GSAP: variants seen among roughly 807,000 people sequenced by gnomAD.
GSAP encodes gamma-secretase-activating protein.
Under a neutral mutation model 131.7 loss-of-function variants are expected in GSAP, and 118 were observed. That is an observed-to-expected ratio of 0.90 (90% CI 0.77 to 1.04). The LOEUF (loss-of-function observed/expected upper bound fraction) is 1.04, where lower values mean the gene tolerates loss of function less well. Among genes scored for constraint, GSAP ranks in the 50% least tolerant of loss-of-function variants. GSAP has a pLI of 0.00. For missense variants in GSAP, 1,019 were observed against 1,013.2 expected (o/e 1.01, Z -0.08); for synonymous variants, 381 against 363.4 (o/e 1.05, Z -0.55).
At chr7:77,323,431 G>C (rs941105185) in intron 24 of GSAP, among the ~76,000 whole-genome samples, 1 of 152,188 alleles carries the variant, frequency 6.6e-6, no homozygotes, top group Non-Finnish European at 1.5e-5. Flanking sequence ...GTATTTGAAG[G>C]AAGGGCAATA....
At chr7:77,371,431 C>CT (rs71085450) in intron 12 of GSAP, among the ~76,000 whole-genome samples, 4,545 of 142,540 alleles carry the variant, frequency 0.032, 127 homozygotes, top group South Asian at 0.057. Context: ...CATCTTTTTT[C>CT]TTTTTTTTTT....
At chr7:77,362,739 T>G in intron 12 of GSAP, 79 bp from the exon 13 acceptor site, 1 of 787,030 alleles carries the variant, frequency 1.3e-6, no homozygotes, top group Non-Finnish European at 2.2e-6. Flanking sequence ...TTAAACTTAC[T>G]TCTATTCCTT....
intron 19 of GSAP, among the ~76,000 whole-genome samples, chr7:77,346,287 A>AAAAAAAAAG (rs1554395428): frequency 6.7e-6 from 1 of 150,312 alleles, no homozygotes; most frequent in East Asian, 2.0e-4. Flanking sequence ...AAAAAAAAAA[A>AAAAAAAAAG]AAAGAAAGAA....
At chr7:77,335,145 A>G (rs922782406) in intron 19 of GSAP, among the ~76,000 whole-genome samples, 1 of 152,196 alleles carries the variant, frequency 6.6e-6, no homozygotes, top group South Asian at 2.1e-4. Context: ...CACACCTGCA[A>G]TCCCAGCACT....
chr7:77,325,404 C>G lies in GSAP; in HGVS notation c.1827+808G>C, dbSNP rs116384066. Among the ~76,000 whole-genome samples, 1,479 of 152,234 alleles carry G rather than the reference C, an allele frequency of 9.7e-3. 31 individuals carry two copies. Among genetic ancestry groups the G allele is most frequent in the African/African-American group, 0.034 (1,426 of 41,522 alleles). ...AAGTCCACATGGTATTAAAAAATATCTTATTAGGCTTTCCAGATGTCTCTT... is the reference window on the plus strand; with the variant it reads ...AAGTCCACATGGTATTAAAAAATATGTTATTAGGCTTTCCAGATGTCTCTT... On this transcript the variant is annotated intron_variant, in intron 23 of 30. Coordinates refer to ENST00000257626, the MANE Select transcript of GSAP (RefSeq NM_017439.4).
intron 19 of GSAP, 133 bp from the exon 20 acceptor site, chr7:77,330,500 A>T: frequency 7.6e-7 from 1 of 1,323,174 alleles, no homozygotes; most frequent in Non-Finnish European, 9.7e-7. Context: ...TGTACAGAAG[A>T]TGGCATTCTA....
intron 3 of GSAP, among the ~76,000 whole-genome samples, chr7:77,400,060 C>T (rs1269280736): frequency 1.3e-5 from 2 of 152,150 alleles, no homozygotes; most frequent in African/African-American, 4.8e-5. Flanking sequence ...TAAGTCCAGC[C>T]AAACACCACA....
chr7:77,384,422 C>T (rs147304846), intron 6 of GSAP, among the ~76,000 whole-genome samples: 4 of 152,314 alleles, frequency 2.6e-5, no homozygotes, highest in African/African-American at 9.6e-5. Context: ...CAAAAGTAGA[C>T]AGGATTCAGA....
At chr7:77,347,764 G>T (rs1792127285) in intron 19 of GSAP, among the ~76,000 whole-genome samples, 2 of 152,056 alleles carry the variant, frequency 1.3e-5, no homozygotes, top group Admixed American at 1.3e-4. Context: ...AAGGCCAAGA[G>T]GAAATGGGGG....
At chr7:77,326,108 A>C in intron 23 of GSAP, 104 bp downstream of exon 23, 2 of 786,552 alleles carry the variant, frequency 2.5e-6, no homozygotes, top group Non-Finnish European at 4.2e-6. Flanking sequence ...ATACTTGTGC[A>C]AAGAATAAAG....
chr7:77,351,446 G>A, intron 18 of GSAP: 2 of 974,920 alleles, frequency 2.1e-6, no homozygotes, highest in Non-Finnish European at 1.2e-6. Context: ...AACATTTGCA[G>A]ATAAGAGAAA....
Position 77,311,239 on chromosome 7 carries a change from A to G in GSAP, c.*119T>C, listed in dbSNP as rs1794309640. On this transcript the variant is annotated 3_prime_UTR_variant, in exon 31 of 31. Coordinates refer to ENST00000257626, the MANE Select transcript of GSAP (RefSeq NM_017439.4). ...ACCAACCTGAAACTCACATGGCTAA[A>G]CAATTATGGCTAAACTATTTTTGTT... 4 of 690,508 alleles carry G rather than the reference A, an allele frequency of 5.8e-6. No individual in the cohort carries two copies. Among genetic ancestry groups the G allele is most frequent in the South Asian group, 5.2e-5 (3 of 57,518 alleles). 42.8% of individuals were successfully genotyped at this position (690,508 alleles called of 1,614,324 possible). A position where few individuals can be genotyped will look rare whatever the true frequency, so the allele number is the denominator to read the frequency against.
rs1461235484 is a variant in GSAP at position 77,330,249 on chromosome 7, A to G, written c.1664T>C (p.Ile555Thr). The stretch of plus-strand genomic sequence containing the variant: ...CTGACCCACTCATACCTCTTCAGAG[A>G]TCAGGTTGTGCCACTCTCTCCTGAC... ...SVVRREWHNL[I>T]SEEKTGKRRS... is the part of the protein sequence containing the mutation. Residue 555 changes from isoleucine (I) to threonine (T), a missense_variant, in exon 20 of 31, where the codon ATC (isoleucine) becomes ACC (threonine). By Grantham distance (89) the Ile-to-Thr change is moderately conservative (BLOSUM62 -1). Coordinates refer to ENST00000257626, the MANE Select transcript of GSAP (RefSeq NM_017439.4). The G allele has an allele frequency of 6.2e-7, 1 of 1,612,406 alleles. No homozygotes were observed. The highest frequency in any genetic ancestry group is 8.5e-7 in the Non-Finnish European group (1 of 1,179,144).
chr7:77,353,099 AC>A, intron 17 of GSAP, 73 bp from the exon 18 acceptor site: 1 of 807,066 alleles, frequency 1.2e-6, no homozygotes, highest in Non-Finnish European at 2.1e-6. Context: ...TTGTAATGCA[AC>A]CAAAACACGC....
At chr7:77,404,703 A>T in intron 2 of GSAP, 88 bp from the exon 3 acceptor site, 1 of 748,284 alleles carries the variant, frequency 1.3e-6, no homozygotes, top group South Asian at 1.5e-5. Context: ...GCAATAACTC[A>T]ATCTTAGCAG....
At chr7:77,359,560 A>G (rs1408594757) in intron 14 of GSAP, among the ~76,000 whole-genome samples, 2 of 152,224 alleles carry the variant, frequency 1.3e-5, no homozygotes, top group Admixed American at 6.5e-5. Flanking sequence ...TACTCAAAAC[A>G]ATATTGTTGT....
Position 77,311,325 on chromosome 7 carries a change from A to G in GSAP, c.*33T>C. The stretch of plus-strand genomic sequence containing the variant: ...AGTAAGGTTAATGAGCAAGATTAAA[A>G]TGGCAGCAGCAGATCCAATTGCGTT... On this transcript the variant is annotated 3_prime_UTR_variant, in exon 31 of 31. Transcript: ENST00000257626. The G allele has an allele frequency of 8.3e-7, 1 of 1,208,912 alleles. No homozygotes were observed. The highest frequency in any genetic ancestry group is 1.2e-6 in the Non-Finnish European group (1 of 812,148). The allele number at this position is 1,208,912 out of a possible 1,614,324, so 74.9% of individuals were successfully genotyped here.
intron 5 of GSAP, among the ~76,000 whole-genome samples, chr7:77,390,761 A>G (rs1799338784): frequency 6.6e-6 from 1 of 151,624 alleles, no homozygotes; most frequent in African/African-American, 2.4e-5. Flanking sequence ...AATAATAAAA[A>G]TAAAAAATAA....
chr7:77,361,569 G>A (rs1023955855), intron 13 of GSAP, among the ~76,000 whole-genome samples: 2 of 152,156 alleles, frequency 1.3e-5, no homozygotes, highest in Non-Finnish European at 2.9e-5. Context: ...TCTAACCTGA[G>A]GAGGTAATAT....
Sources: gnomAD v4.1 joint callset for allele counts (sites outside exome capture counted in the v4.1 genomes callset) on GRCh38, gnomAD v4.1.1 for gene constraint, MANE v1.5 for transcripts, NCBI Gene and HGNC (gene_info 2026-07-23, HGNC 2026-07-21) for gene names.